EYS: variants seen among roughly 807,000 people sequenced by gnomAD.
The protein encoded by EYS is protein eyes shut homolog.
EYS carries 250 observed loss-of-function variants against 282.1 expected under a neutral mutation model. The observed-to-expected ratio is 0.89, with a 90% confidence interval of 0.80 to 0.98. EYS has a LOEUF of 0.98. Ranked by LOEUF, EYS falls within the 50% of genes least tolerant of loss-of-function variation. The pLI is 0.00. For synonymous variants in EYS, 1,355 were observed against 1,282.9 expected (o/e 1.06, Z -1.20); for missense variants, 4,016 against 3,709.0 (o/e 1.08, Z -2.15).
chr6:65,216,342 C>T lies in EYS; in HGVS notation c.2023+79521G>A, dbSNP rs182364964. On this transcript the variant is annotated intron_variant, in intron 12 of 42. Coordinates refer to ENST00000503581, the MANE Select transcript of EYS (RefSeq NM_001142800.2). ...TGTTCAAATTGTATGAATACCCATA[C>T]ATATATAAGTTATTTATAGTGTGAA... is the stretch of plus-strand genomic sequence containing the variant. Among the ~76,000 whole-genome samples the T allele has an allele frequency of 2.1e-3, 312 of 152,014 alleles. 1 individual carries two copies. Among genetic ancestry groups the T allele is most frequent in the African/African-American group, 7.2e-3 (300 of 41,518 alleles).
At chr6:64,506,238 T>A (rs962628127) in intron 26 of EYS, among the ~76,000 whole-genome samples, 1 of 152,146 alleles carries the variant, frequency 6.6e-6, no homozygotes, top group Non-Finnish European at 1.5e-5. Flanking sequence ...GTCAGTAAAT[T>A]TACTGTAAAA....
At chr6:64,928,880 T>C (rs1768604984) in intron 15 of EYS, among the ~76,000 whole-genome samples, 1 of 152,122 alleles carries the variant, frequency 6.6e-6, no homozygotes, top group Non-Finnish European at 1.5e-5. Context: ...TATGTTTCTA[T>C]GCAGTTCTGT....
At chr6:64,863,513 T>C (rs777251813) in intron 19 of EYS, among the ~76,000 whole-genome samples, 6 of 152,208 alleles carry the variant, frequency 3.9e-5, no homozygotes, top group South Asian at 4.1e-4. Context: ...GATATCACAG[T>C]ATATAAGGTT....
chr6:64,231,949 A>G (rs764071790), intron 30 of EYS, among the ~76,000 whole-genome samples: 1 of 152,198 alleles, frequency 6.6e-6, no homozygotes, highest in Non-Finnish European at 1.5e-5. Context: ...ATACCTTGTC[A>G]TAAAGATAAA....
intron 31 of EYS, among the ~76,000 whole-genome samples, chr6:64,157,907 C>A (rs1176416370): frequency 9.2e-5 from 14 of 152,158 alleles, no homozygotes; most frequent in Admixed American, 2.0e-4. Context: ...ACCTTATGGA[C>A]CTGTGAGAAG....
chr6:65,362,899 GA>G (rs752884761), intron 8 of EYS, among the ~76,000 whole-genome samples: 3 of 151,928 alleles, frequency 2.0e-5, no homozygotes, highest in Non-Finnish European at 4.4e-5. Context: ...TTCAAAAAAA[GA>G]AAATTAGAAA....
chr6:64,096,901 T>C (rs1478559591), intron 31 of EYS, among the ~76,000 whole-genome samples: 1 of 152,230 alleles, frequency 6.6e-6, no homozygotes, highest in Non-Finnish European at 1.5e-5. Flanking sequence ...CTTTGGTGTT[T>C]GATGATGGTG....
intron 33 of EYS, among the ~76,000 whole-genome samples, chr6:64,012,715 C>T (rs1458974526): frequency 6.6e-6 from 1 of 152,042 alleles, no homozygotes; most frequent in Non-Finnish European, 1.5e-5. Flanking sequence ...TCATACAGCC[C>T]TATCAACACA....
At chr6:64,550,938 G>T (rs1267632412) in intron 26 of EYS, among the ~76,000 whole-genome samples, 1 of 152,024 alleles carries the variant, frequency 6.6e-6, no homozygotes, top group Non-Finnish European at 1.5e-5. Context: ...AGAAATCTTT[G>T]TTTTTAATAT....
chr6:64,092,946 G>T (rs1772426754), intron 31 of EYS, among the ~76,000 whole-genome samples: 1 of 149,880 alleles, frequency 6.7e-6, no homozygotes, highest in Admixed American at 6.6e-5. Flanking sequence ...TGTAAGGAAG[G>T]GATCCAGTTT....
intron 10 of EYS, among the ~76,000 whole-genome samples, chr6:65,342,163 C>G (rs918212921): frequency 6.6e-6 from 1 of 150,916 alleles, no homozygotes; most frequent in African/African-American, 2.4e-5. Context: ...TTTATTTATT[C>G]TAAAGAGGCT....
At chr6:65,346,367 C>A (rs1770392403) in intron 9 of EYS, among the ~76,000 whole-genome samples, 1 of 139,504 alleles carries the variant, frequency 7.2e-6, no homozygotes. Flanking sequence ...AAAACTATAA[C>A]ATTTTTAGAG....
At position 65,167,206 on chromosome 6, in the gene EYS, C is replaced by T. The variant is rs547012219; in HGVS notation, c.2024-109479G>A. ...TCCTAAGAAAAATGACAACATATAC[C>T]CACACAAAAATATGTACATGTATGA... On this transcript the variant is annotated intron_variant, in intron 12 of 42. Transcript: ENST00000503581. Among the ~76,000 whole-genome samples the T allele has an allele frequency of 6.6e-5, 10 of 150,996 alleles. No individual in the cohort carries two copies. In the East Asian group the frequency reaches 2.0e-3, roughly 30 times the overall value.
intron 31 of EYS, among the ~76,000 whole-genome samples, chr6:64,108,552 C>T (rs1007775900): frequency 3.3e-4 from 48 of 145,534 alleles, no homozygotes; most frequent in African/African-American, 1.2e-3. Flanking sequence ...ATCTTTAAGC[C>T]TCCGTAAAAG....
chr6:65,441,120 G>C lies in EYS; in HGVS notation c.863-35753C>G, dbSNP rs1380506548. On this transcript the variant is annotated intron_variant, in intron 5 of 42. Transcript: ENST00000503581. ...TGTTTTGTGAATCATGGAGCAATAA[G>C]AAATGTGTGTATTTTGCTGATAATA... Among the ~76,000 whole-genome samples the C allele has an allele frequency of 2.0e-5, 3 of 150,954 alleles. No individual in the cohort carries two copies. The Admixed American group carries it at 2.0e-4, about 10-fold the overall frequency.
At chr6:63,990,778 C>T (rs1767569332) in intron 34 of EYS, among the ~76,000 whole-genome samples, 1 of 151,470 alleles carries the variant, frequency 6.6e-6, no homozygotes, top group African/African-American at 2.4e-5. Context: ...GCTGATGGGA[C>T]CTGGCTTACT....
At chr6:64,766,045 T>C (rs1425187424) in intron 22 of EYS, among the ~76,000 whole-genome samples, 1 of 152,058 alleles carries the variant, frequency 6.6e-6, no homozygotes, top group Non-Finnish European at 1.5e-5. Context: ...CCCCCTTTTT[T>C]TTTGTAAAAT....
chr6:65,591,306 C>T (rs909813135), intron 2 of EYS, among the ~76,000 whole-genome samples: 1 of 148,098 alleles, frequency 6.8e-6, no homozygotes, highest in African/African-American at 2.6e-5. Flanking sequence ...TCAATCAATC[C>T]TCCCCCCTCA....
chr6:65,088,309 A>G (rs911552826), intron 12 of EYS, among the ~76,000 whole-genome samples: 4 of 152,170 alleles, frequency 2.6e-5, no homozygotes, highest in East Asian at 1.9e-4. Context: ...TCAAAAGAAG[A>G]CAGGAAGATG....
Sources: allele counts gnomAD v4.1 joint callset (sites outside exome capture counted in the v4.1 genomes callset), GRCh38; gene constraint gnomAD v4.1.1; transcripts MANE v1.5; gene names NCBI Gene and HGNC (gene_info 2026-07-23, HGNC 2026-07-21).